SEC24B: variants seen among roughly 807,000 people sequenced by gnomAD.
SEC24B encodes protein transport protein Sec24B.
A neutral mutation model predicts 142.8 loss-of-function variants in SEC24B; 45 were observed. The ratio of observed to expected loss-of-function variants is 0.32; its 90% CI spans 0.25 to 0.40. SEC24B has a LOEUF of 0.40. Among genes scored for constraint, SEC24B ranks in the 10% least tolerant of loss-of-function variants. The pLI is 1.00. For synonymous variants in SEC24B, 574 were observed against 568.2 expected (o/e 1.01, Z -0.15); for missense variants, 1,409 against 1,526.8 (o/e 0.92, Z 1.29).
intron 1 of SEC24B, among the ~76,000 whole-genome samples, chr4:109,461,213 T>G (rs1390285828): frequency 6.6e-6 from 1 of 152,222 alleles, no homozygotes; most frequent in African/African-American, 2.4e-5. Context: ...TTTCTCACTT[T>G]TCAGATTGGC....
chr4:109,456,821 C>T (rs1408446504), intron 1 of SEC24B, among the ~76,000 whole-genome samples: 1 of 152,116 alleles, frequency 6.6e-6, no homozygotes, highest in Non-Finnish European at 1.5e-5. Flanking sequence ...TGGTAGAGCT[C>T]ACAGCTAAGT....
intron 8 of SEC24B, among the ~76,000 whole-genome samples, chr4:109,511,175 C>T (rs1231594209): frequency 6.6e-6 from 1 of 151,620 alleles, no homozygotes; most frequent in Non-Finnish European, 1.5e-5. Context: ...TACAGATATA[C>T]ATGATACCTT....
chr4:109,523,721 T>C (rs1445635560), intron 14 of SEC24B, among the ~76,000 whole-genome samples: 2 of 152,188 alleles, frequency 1.3e-5, no homozygotes, highest in East Asian at 3.8e-4. Context: ...TAGCCACATA[T>C]CCAGATTTGC....
intron 17 of SEC24B, 93 bp from the exon 18 acceptor site, chr4:109,527,229 A>AG (rs1001799022): frequency 8.6e-6 from 8 of 934,556 alleles, no homozygotes; most frequent in African/African-American, 8.4e-5. Context: ...AAAAAAAAAA[A>AG]AAAGAAAGAA....
chr4:109,434,931 TA>T lies in SEC24B; in HGVS notation c.133+930del, dbSNP rs368844743. On this transcript the variant is annotated intron_variant, in intron 1 of 23. Transcript: ENST00000265175. Reference sequence around the variant, plus strand: ...TGCTGAGATTTGGAATGTTCGCGGATAGGGGCCAAGGGTGGAGGAATTCTCC... The same window carrying T: ...TGCTGAGATTTGGAATGTTCGCGGATGGGGCCAAGGGTGGAGGAATTCTCC... 3.1e-3 allele frequency among the ~76,000 whole-genome samples: 467 copies of T among 152,302 alleles called. 1 individual carries two copies. Among genetic ancestry groups the T allele is most frequent in the African/African-American group, 0.01 (417 of 41,572 alleles).
intron 5 of SEC24B, 106 bp downstream of exon 5, chr4:109,491,513 C>A: frequency 3.7e-6 from 3 of 815,458 alleles, no homozygotes; most frequent in Admixed American, 2.5e-5. Context: ...ATATTTTTAA[C>A]AAGAAAAAAA....
At chr4:109,447,350 C>A (rs144458757) in intron 1 of SEC24B, among the ~76,000 whole-genome samples, 1 of 151,724 alleles carries the variant, frequency 6.6e-6, no homozygotes, top group Non-Finnish European at 1.5e-5. Context: ...AAAAAAGTTT[C>A]AAAAAAGGTA....
At position 109,530,373 on chromosome 4, in the gene SEC24B, G is replaced by T; in HGVS notation, c.3161G>T (p.Gly1054Val). The change falls in exon 19 of 24, where the codon GGC becomes GTC. Residue 1054 changes from glycine (G) to valine (V), a missense_variant. Physicochemically the swap from Gly to Val is moderately radical, Grantham distance 109. Transcript: ENST00000265175. ...NAVVDSLSAY[G>V]STVSNLQHSA... ...GTAGTGGACTCATTGTCTGCATATGGCTCAACTGTCTCAAATTTACAGCAC... is the reference window on the plus strand; with the variant it reads ...GTAGTGGACTCATTGTCTGCATATGTCTCAACTGTCTCAAATTTACAGCAC... 1 of 1,614,058 alleles carries T rather than the reference G, an allele frequency of 6.2e-7. No homozygotes were observed. The highest frequency in any genetic ancestry group is 8.5e-7 in the Non-Finnish European group (1 of 1,179,986).
intron 3 of SEC24B, among the ~76,000 whole-genome samples, chr4:109,474,536 T>A (rs1732893272): frequency 6.6e-6 from 1 of 151,822 alleles, no homozygotes; most frequent in Non-Finnish European, 1.5e-5. Flanking sequence ...GCGATTCTCC[T>A]GTCTCAGCCT....
At chr4:109,476,953 C>G (rs1201338557) in intron 3 of SEC24B, among the ~76,000 whole-genome samples, 1 of 151,336 alleles carries the variant, frequency 6.6e-6, no homozygotes, top group Non-Finnish European at 1.5e-5. Flanking sequence ...CCGGCTAAAA[C>G]GGTGAAACCC....
In SEC24B at chr4:109,463,184, G is replaced by A. The variant is rs767055386; in HGVS notation, c.417G>A (p.Ser139=). Residue 139 remains serine (S), a synonymous_variant, in exon 2 of 24, where the codon TCG becomes TCA. Transcript: ENST00000265175. ...STLGSFQGAA[S]SASHLHTSAS... ...TAGGATCTTTCCAAGGTGCTGCATC[G>A]TCAGCATCCCATTTGCATACGAGTG... 36 of 1,614,006 alleles carry A rather than the reference G, an allele frequency of 2.2e-5. 1 individual carries two copies. The Middle Eastern group carries it at 4.9e-4, about 22-fold the overall frequency.
At chr4:109,493,865 G>A (rs1735260738) in intron 5 of SEC24B, among the ~76,000 whole-genome samples, 1 of 152,126 alleles carries the variant, frequency 6.6e-6, no homozygotes, top group Admixed American at 6.6e-5. Context: ...AAAGTGCTGG[G>A]ATTACAGGAG....
At chr4:109,499,753 T>A (rs933457619) in intron 6 of SEC24B, among the ~76,000 whole-genome samples, 4 of 152,340 alleles carry the variant, frequency 2.6e-5, no homozygotes, top group Admixed American at 2.6e-4. Context: ...GTATAACACA[T>A]ACAGTTATGC....
rs766995190 is a variant in SEC24B, at chr4:109,527,328, G to A, written c.2972G>A (p.Arg991Gln). 3.8e-6 allele frequency: 6 copies of A among 1,596,706 alleles called. No individual in the cohort carries two copies. Among genetic ancestry groups the A allele is most frequent in the East Asian group, 2.3e-5 (1 of 44,112 alleles). ...ALLYTSSKGERRIRVHTLCLP... is the reference protein window; with the variant it reads ...ALLYTSSKGEQRIRVHTLCLP... ...TCAATGACTTTTTTTTTAGGTGAGC[G>A]GAGAATTAGAGTACATACACTTTGT... The change falls in exon 18 of 24, where the codon CGG becomes CAG. Residue 991 changes from arginine to glutamine, a missense_variant. Transcript: ENST00000265175.
chr4:109,517,591 G>C (rs905635749), intron 11 of SEC24B, among the ~76,000 whole-genome samples: 1 of 152,090 alleles, frequency 6.6e-6, no homozygotes, highest in Non-Finnish European at 1.5e-5. Flanking sequence ...GATGAGAATT[G>C]TTGTGTTCTC....
rs376984443 is a variant in SEC24B, at chr4:109,532,604, G to A, written c.3391-35G>A. 1.1e-5 allele frequency: 16 copies of A among 1,504,158 alleles called. No homozygotes were observed. In the Middle Eastern group the frequency reaches 1.4e-3, roughly 129 times the overall value. 93.2% of individuals were successfully genotyped at this position (1,504,158 alleles called of 1,614,324 possible). A position where few individuals can be genotyped will look rare whatever the true frequency, so the allele number is the denominator to read the frequency against. ...GCTCCCAAACTGTGATGATAGTAAT[G>A]TAATCTCATTCACATTCTCTCTTTT... On this transcript the variant is annotated intron_variant, in intron 20 of 23. Coordinates refer to ENST00000265175, the MANE Select transcript of SEC24B (RefSeq NM_006323.5).
chr4:109,461,721 T>G (rs1396650729), intron 1 of SEC24B, among the ~76,000 whole-genome samples: 1 of 152,224 alleles, frequency 6.6e-6, no homozygotes, highest in South Asian at 2.1e-4. Flanking sequence ...TATAAGCTAC[T>G]AGGCAGAGAT....
chr4:109,511,959 A>G lies in SEC24B; in HGVS notation c.1779A>G (p.Gln593=), dbSNP rs760414544. 1 of 1,610,732 alleles carries G rather than the reference A, an allele frequency of 6.2e-7. No individual in the cohort carries two copies. Among genetic ancestry groups the G allele is most frequent in the Non-Finnish European group, 8.5e-7 (1 of 1,179,260 alleles). ...AGCTTCTTTATTTTATTTCCTAGCA[A>G]TTACCAGTGATAACATCAAATACCA... is the stretch of plus-strand genomic sequence containing the variant. ...LLLHPFRDLT[Q]LPVITSNTIV... Residue 593 remains glutamine (Q), a splice_region_variant and synonymous_variant, in exon 9 of 24, where the codon CAA becomes CAG. Transcript: ENST00000265175.
chr4:109,525,827 A>G (rs113027075), intron 16 of SEC24B, among the ~76,000 whole-genome samples: 52 of 152,284 alleles, frequency 3.4e-4, no homozygotes, highest in African/African-American at 1.2e-3. Context: ...TTGCCTTCAT[A>G]ATCATTTAAT....
Sources: gnomAD v4.1 joint callset for allele counts (sites outside exome capture counted in the v4.1 genomes callset) on GRCh38, gnomAD v4.1.1 for gene constraint, MANE v1.5 for transcripts, NCBI Gene and HGNC (gene_info 2026-07-23, HGNC 2026-07-21) for gene names.